The following SCAPER variants were observed in gnomAD, a reference collection of about 807,000 sequenced individuals.
SCAPER encodes the protein S phase cyclin A-associated protein in the endoplasmic reticulum.
SCAPER carries 98 observed loss-of-function variants against 182.2 expected under a neutral mutation model. That is an observed-to-expected ratio of 0.54 (90% CI 0.46 to 0.64). The LOEUF is 0.64. Ranked by LOEUF, SCAPER falls within the 30% of genes least tolerant of loss-of-function variation. The pLI is 0.00. For synonymous variants in SCAPER, 605 were observed against 564.6 expected (o/e 1.07, Z -1.01); for missense variants, 1,432 against 1,690.0 (o/e 0.85, Z 2.68).
chr15:76,380,212 AT>A (rs1406625251), intron 28 of SCAPER: 1 of 152,102 alleles, frequency 6.6e-6, no homozygotes, highest in Non-Finnish European at 1.5e-5. Flanking sequence ...AACTACTGAC[AT>A]TTTTTGGAGC....
intron 22 of SCAPER, among the ~76,000 whole-genome samples, chr15:76,582,410 A>G (rs1163130292): frequency 2.0e-5 from 3 of 152,234 alleles, no homozygotes. Context: ...AATGATCTCT[A>G]CAATGAAAAC....
chr15:76,859,941 C>T (rs2071739670), intron 3 of SCAPER, among the ~76,000 whole-genome samples: 1 of 152,128 alleles, frequency 6.6e-6, no homozygotes, highest in African/African-American at 2.4e-5. Context: ...GTCTCGAACT[C>T]CTGAGCTCAG....
chr15:76,721,145 G>T (rs2060213686), intron 17 of SCAPER, among the ~76,000 whole-genome samples: 1 of 152,124 alleles, frequency 6.6e-6, no homozygotes, highest in South Asian at 2.1e-4. Context: ...TCTACATATG[G>T]CTAGCCAGTT....
intron 2 of SCAPER, among the ~76,000 whole-genome samples, chr15:76,864,574 C>A (rs763419840): frequency 6.6e-6 from 1 of 151,918 alleles, no homozygotes; most frequent in Non-Finnish European, 1.5e-5. Flanking sequence ...AAAAGCAATA[C>A]ATTATTTTCA....
intron 23 of SCAPER, among the ~76,000 whole-genome samples, chr15:76,562,766 C>T (rs1010886637): frequency 6.6e-6 from 1 of 152,072 alleles, no homozygotes. Context: ...ACTCTGCTTG[C>T]TAGAGAAATT....
chr15:76,598,647 T>C (rs2049684168), intron 22 of SCAPER, among the ~76,000 whole-genome samples: 1 of 121,230 alleles, frequency 8.2e-6, no homozygotes, highest in Non-Finnish European at 2.0e-5. Context: ...TCATGTCCTT[T>C]ACAGGGACAT....
chr15:76,553,586 G>C (rs2045953755), intron 23 of SCAPER, among the ~76,000 whole-genome samples: 1 of 151,974 alleles, frequency 6.6e-6, no homozygotes, highest in Admixed American at 6.6e-5. Context: ...GGAATACTGG[G>C]GCCAGGAGAC....
intron 21 of SCAPER, among the ~76,000 whole-genome samples, chr15:76,632,837 A>G (rs2053242723): frequency 6.8e-6 from 1 of 147,554 alleles, no homozygotes; most frequent in African/African-American, 2.6e-5. Flanking sequence ...CAGTGGCACA[A>G]TCTCAGCTCA....
intron 2 of SCAPER, among the ~76,000 whole-genome samples, chr15:76,873,086 C>CAA (rs1212539502): frequency 1.6e-4 from 9 of 57,582 alleles, no homozygotes; most frequent in East Asian, 9.0e-4. Flanking sequence ...CTTGTCTCTA[C>CAA]AAAAAAAAAA....
chr15:76,706,094 T>C, intron 17 of SCAPER, 110 bp from the exon 18 acceptor site: 2 of 674,702 alleles, frequency 3.0e-6, no homozygotes, highest in Non-Finnish European at 4.5e-6. Flanking sequence ...AAGGGCTACT[T>C]TTTTAAAATA....
In SCAPER at chr15:76,421,306, C is replaced by A. The variant is rs369982176; in HGVS notation, c.3311+12772G>T. On this transcript the variant is annotated intron_variant, in intron 26 of 31. Coordinates refer to ENST00000563290, the MANE Select transcript of SCAPER (RefSeq NM_020843.4). ...TGCTGTTTCCTGACTTTTTAATGATCGCCATTCTAACTGGTGTGAGATGGT... is the reference window on the plus strand; with the variant it reads ...TGCTGTTTCCTGACTTTTTAATGATAGCCATTCTAACTGGTGTGAGATGGT... Among the ~76,000 whole-genome samples, 90 of 152,216 alleles carry A rather than the reference C, an allele frequency of 5.9e-4. 1 individual carries two copies. In the East Asian group the frequency reaches 0.014, roughly 23 times the overall value.
intron 23 of SCAPER, among the ~76,000 whole-genome samples, chr15:76,548,655 T>C (rs2045496613): frequency 6.6e-6 from 1 of 152,340 alleles, no homozygotes; most frequent in East Asian, 1.9e-4. Context: ...ATTACAACCA[T>C]CTGATCTTTG....
chr15:76,798,686 G>A (rs1320893363), intron 7 of SCAPER, among the ~76,000 whole-genome samples: 1 of 152,088 alleles, frequency 6.6e-6, no homozygotes, highest in South Asian at 2.1e-4. Flanking sequence ...TCACATTCAA[G>A]GATCCTCAAT....
At chr15:76,883,940 A>C in intron 1 of SCAPER, 64 bp from the exon 2 acceptor site, 1 of 795,952 alleles carries the variant, frequency 1.3e-6, no homozygotes, top group East Asian at 3.1e-5. Flanking sequence ...TTATTCATAA[A>C]AAGATACAAA....
At chr15:76,667,929 C>T (rs2056740676) in intron 20 of SCAPER, among the ~76,000 whole-genome samples, 1 of 151,794 alleles carries the variant, frequency 6.6e-6, no homozygotes, top group Admixed American at 6.6e-5. Context: ...TGCCACTGCA[C>T]TCCAGCCTGG....
intron 27 of SCAPER, among the ~76,000 whole-genome samples, chr15:76,382,378 T>A (rs201423267): frequency 1.8e-3 from 253 of 143,664 alleles, no homozygotes; most frequent in African/African-American, 5.2e-3. Flanking sequence ...TTTTTTTTTT[T>A]AATTTTTCCC....
At chr15:76,572,295 T>C (rs977823079) in intron 23 of SCAPER, among the ~76,000 whole-genome samples, 4 of 152,238 alleles carry the variant, frequency 2.6e-5, no homozygotes, top group Admixed American at 2.6e-4. Context: ...AAGTACTCTA[T>C]ACTTTACAAA....
At chr15:76,690,022 C>T (rs2058265594) in intron 20 of SCAPER, among the ~76,000 whole-genome samples, 1 of 151,866 alleles carries the variant, frequency 6.6e-6, no homozygotes, top group African/African-American at 2.4e-5. Flanking sequence ...TATAGATAGT[C>T]CTCCTCTGGA....
At chr15:76,636,819 T>C (rs2053640927) in intron 21 of SCAPER, among the ~76,000 whole-genome samples, 1 of 152,166 alleles carries the variant, frequency 6.6e-6, no homozygotes, top group African/African-American at 2.4e-5. Context: ...AAAAAATTGG[T>C]TCTCACAGTT....
Sources: allele counts gnomAD v4.1 joint callset (sites outside exome capture counted in the v4.1 genomes callset), GRCh38; gene constraint gnomAD v4.1.1; transcripts MANE v1.5; gene names NCBI Gene and HGNC (gene_info 2026-07-23, HGNC 2026-07-21).